The following TLN2 variants were observed in gnomAD, a reference collection of about 807,000 sequenced individuals.
TLN2 encodes the protein talin 2.
In TLN2, 118 loss-of-function variants were observed where a neutral mutation model predicts 294.7. The observed-to-expected ratio is 0.40, with a 90% CI of 0.34 to 0.47. The LOEUF is 0.47. Among genes scored for constraint, TLN2 ranks in the 20% least tolerant of loss-of-function variants. The pLI, the probability that TLN2 is intolerant of heterozygous loss-of-function variation, is 0.84. For synonymous variants in TLN2, 1,431 were observed against 1,304.5 expected, an observed-to-expected ratio of 1.10 and a Z score of -2.09; for missense variants, 3,083 against 3,282.2, an observed-to-expected ratio of 0.94 and a Z score of 1.48.
rs1272933632 is a variant in TLN2 at position 62,708,677 on chromosome 15, A to T, written c.2348A>T (p.Asp783Val). ...AASVVSQALH[D>V]LLQHVRQFAS... is the part of the protein sequence containing the mutation. ...AGCGTGGTCAGCCAGGCCCTCCATG[A>T]TCTCCTGCAGCATGTGCGGCAGTTT... Residue 783 changes from aspartate to valine, a missense_variant, in exon 21 of 59, where the codon GAT (aspartate) becomes GTT (valine). By Grantham distance (152) the Asp-to-Val change is radical (BLOSUM62 -3). Transcript: ENST00000636159. 6.2e-7 allele frequency: 1 copy of T among 1,614,046 alleles called. No individual in the cohort carries two copies. The highest frequency in any genetic ancestry group is 1.1e-5 in the South Asian group (1 of 91,070).
At chr15:62,465,847 A>T (rs2037105414) in intron 1 of TLN2, among the ~76,000 whole-genome samples, 1 of 152,212 alleles carries the variant, frequency 6.6e-6, no homozygotes. Flanking sequence ...AGAACATAGA[A>T]TTGGAAATGA....
At chr15:62,769,903 A>G (rs2063245163) in intron 41 of TLN2, among the ~76,000 whole-genome samples, 1 of 152,240 alleles carries the variant, frequency 6.6e-6, no homozygotes, top group African/African-American at 2.4e-5. Flanking sequence ...CTGAGTGAGG[A>G]TAGATTCTGA....
intron 1 of TLN2, among the ~76,000 whole-genome samples, chr15:62,441,798 T>C (rs1373179734): frequency 1.3e-5 from 2 of 152,142 alleles, no homozygotes; most frequent in Non-Finnish European, 2.9e-5. Flanking sequence ...GCCTATTTAA[T>C]GAGGCCTCTA....
In TLN2 at chr15:62,631,727, G is replaced by T. The variant is rs568361987; in HGVS notation, c.-37+13252G>T. Among the ~76,000 whole-genome samples, 140 of 105,776 alleles carry T rather than the reference G, an allele frequency of 1.3e-3. 2 individuals are homozygous for T. The highest frequency in any genetic ancestry group is 8.0e-3 in the South Asian group (22 of 2,760). 69.4% of individuals were successfully genotyped at this position (105,776 alleles called of 152,430 possible). On this transcript the variant is annotated intron_variant, in intron 3 of 58. Transcript: ENST00000636159. ...TCTCCCTCCCTCCCTCCCTCCTCCCGCTTTTTCTTCTTTCTCTCTTTTCTT... is the reference window on the plus strand; with the variant it reads ...TCTCCCTCCCTCCCTCCCTCCTCCCTCTTTTTCTTCTTTCTCTCTTTTCTT...
intron 51 of TLN2, among the ~76,000 whole-genome samples, chr15:62,806,935 C>T (rs1301582553): frequency 6.6e-6 from 1 of 152,026 alleles, no homozygotes; most frequent in Non-Finnish European, 1.5e-5. Flanking sequence ...TTGGTGGCTC[C>T]TCAGAAGGAG....
chr15:62,727,248 G>T, intron 28 of TLN2, 59 bp downstream of exon 28: 1 of 1,430,504 alleles, frequency 7.0e-7, no homozygotes. Context: ...GTGTAGTGGG[G>T]GAGGAGGAGG....
intron 3 of TLN2, among the ~76,000 whole-genome samples, chr15:62,629,686 G>A (rs1469686909): frequency 2.6e-5 from 4 of 152,186 alleles, no homozygotes; most frequent in Admixed American, 2.6e-4. Context: ...ACATGTGTCA[G>A]TAAAATGTTA....
chr15:62,561,674 T>C (rs901658342), intron 1 of TLN2, among the ~76,000 whole-genome samples: 18 of 152,092 alleles, frequency 1.2e-4, no homozygotes, highest in African/African-American at 4.3e-4. Context: ...TCTTTTTTTT[T>C]CCGCAAAAGG....
chr15:62,544,299 C>T (rs2041866973), intron 1 of TLN2, among the ~76,000 whole-genome samples: 2 of 152,180 alleles, frequency 1.3e-5, no homozygotes, highest in Non-Finnish European at 2.9e-5. Context: ...TCTCCCCCAG[C>T]CTCCCAAACT....
chr15:62,494,936 C>T (rs966406838), intron 1 of TLN2, among the ~76,000 whole-genome samples: 1 of 152,116 alleles, frequency 6.6e-6, no homozygotes, highest in African/African-American at 2.4e-5. Flanking sequence ...TCCTTTTTCT[C>T]TGTTCCCGGA....
intron 1 of TLN2, among the ~76,000 whole-genome samples, chr15:62,551,625 G>A (rs1363603359): frequency 3.3e-5 from 5 of 152,096 alleles, no homozygotes; most frequent in Non-Finnish European, 7.3e-5. Context: ...CTTGAACCTG[G>A]GAGATGGAGG....
intron 1 of TLN2, among the ~76,000 whole-genome samples, chr15:62,431,114 A>G (rs1386281546): frequency 6.6e-6 from 1 of 152,058 alleles, no homozygotes; most frequent in African/African-American, 2.4e-5. Flanking sequence ...AGGGGAAACG[A>G]CTTTTAACAG....
At chr15:62,508,133 C>T (rs1228697028) in intron 1 of TLN2, among the ~76,000 whole-genome samples, 3 of 152,012 alleles carry the variant, frequency 2.0e-5, no homozygotes, top group African/African-American at 4.8e-5. Flanking sequence ...ACCATTTAAT[C>T]GTGGTGGTAA....
At chr15:62,714,001 C>T (rs552158593) in intron 22 of TLN2, among the ~76,000 whole-genome samples, 18 of 149,024 alleles carry the variant, frequency 1.2e-4, no homozygotes, top group African/African-American at 4.4e-4. Flanking sequence ...ACTAGTTTAC[C>T]CCACCTCTCT....
chr15:62,840,660 G>T lies in TLN2; in HGVS notation c.*50G>T. Reference sequence around the variant, plus strand: ...CCAGGGGATGGCCCTGGCTGAACTGGACAGACAGTGTTCCTGAGAGGCTGG... The same window carrying T: ...CCAGGGGATGGCCCTGGCTGAACTGTACAGACAGTGTTCCTGAGAGGCTGG... On this transcript the variant is annotated 3_prime_UTR_variant, in exon 59 of 59. Transcript: ENST00000636159. The T allele has an allele frequency of 6.3e-7, 1 of 1,586,504 alleles. No individual in the cohort carries two copies. The highest frequency in any genetic ancestry group is 1.2e-5 in the South Asian group (1 of 86,850).
chr15:62,724,825 C>G, intron 26 of TLN2, 151 bp from the exon 27 acceptor site: 4 of 984,928 alleles, frequency 4.1e-6, no homozygotes, highest in Non-Finnish European at 5.6e-6. Context: ...TGATTTTGTT[C>G]TCTCAGAAAA....
Position 62,793,272 on chromosome 15 carries a change from A to G in TLN2, c.5883+485A>G, listed in dbSNP as rs537212780. Among the ~76,000 whole-genome samples the G allele has an allele frequency of 1.8e-4, 28 of 152,282 alleles. 1 individual carries two copies. The South Asian group carries it at 5.2e-3, about 28-fold the overall frequency. Reference sequence around the variant, plus strand: ...GTGAAGTGGGGGTGGGTTAGGCCACATGGGGCAGTGGCGTGTGCCTTTGTG... The same window carrying G: ...GTGAAGTGGGGGTGGGTTAGGCCACGTGGGGCAGTGGCGTGTGCCTTTGTG... On this transcript the variant is annotated intron_variant, in intron 46 of 58. Coordinates refer to ENST00000636159, the MANE Select transcript of TLN2 (RefSeq NM_015059.3).
At chr15:62,444,732 C>T (rs1261400008) in intron 1 of TLN2, among the ~76,000 whole-genome samples, 1 of 152,216 alleles carries the variant, frequency 6.6e-6, no homozygotes, top group Non-Finnish European at 1.5e-5. Flanking sequence ...AAAAAGGCAG[C>T]AAGGCAACTA....
chr15:62,531,659 A>G (rs929805155), intron 1 of TLN2, among the ~76,000 whole-genome samples: 1 of 152,232 alleles, frequency 6.6e-6, no homozygotes, highest in Non-Finnish European at 1.5e-5. Flanking sequence ...CCATAAATAT[A>G]GTTGTAATTT....
Sources: allele counts gnomAD v4.1 joint callset (sites outside exome capture counted in the v4.1 genomes callset), GRCh38; gene constraint gnomAD v4.1.1; transcripts MANE v1.5; gene names NCBI Gene and HGNC (gene_info 2026-07-23, HGNC 2026-07-21).